The following SORBS2 variants were observed in gnomAD, a reference collection of about 807,000 sequenced individuals.
The protein encoded by SORBS2 is sorbin and SH3 domain-containing protein 2.
SORBS2 carries 46 observed loss-of-function variants against 97.7 expected under a neutral mutation model. That is an observed-to-expected ratio of 0.47 (90% CI 0.37 to 0.60). The LOEUF is 0.60. Ranked by LOEUF, SORBS2 falls within the 20% of genes least tolerant of loss-of-function variation. SORBS2 has a pLI of 0.00. For synonymous variants in SORBS2, 476 were observed against 473.4 expected, an observed-to-expected ratio of 1.01 and a Z score of -0.07; for missense variants, 1,316 against 1,282.3, an observed-to-expected ratio of 1.03 and a Z score of -0.40.
At chr4:185,615,293 A>G in intron 9 of SORBS2, 134 bp from the exon 22 acceptor site, 1 of 636,024 alleles carries the variant, frequency 1.6e-6, no homozygotes, top group Non-Finnish European at 2.8e-6. Context: ...ATTGAGTCCG[A>G]TTAGATAAGA....
intron 2 of SORBS2, among the ~76,000 whole-genome samples, chr4:185,716,389 A>G (rs1304031471): frequency 6.6e-6 from 1 of 152,224 alleles, no homozygotes; most frequent in Non-Finnish European, 1.5e-5. Context: ...TGGCTGAAGG[A>G]CCCAGTGGAT....
intron 4 of SORBS2, among the ~76,000 whole-genome samples, chr4:185,670,573 A>G (rs2097697702): frequency 6.6e-6 from 1 of 151,882 alleles, no homozygotes; most frequent in Non-Finnish European, 1.5e-5. Flanking sequence ...TTCCAATGAT[A>G]GTAATTTACT....
At chr4:185,646,077 G>C (rs1005909176) in intron 4 of SORBS2, 2 of 152,214 alleles carry the variant, frequency 1.3e-5, no homozygotes, top group Non-Finnish European at 2.9e-5. Flanking sequence ...GTAACCTGAG[G>C]AGGGATTTAA....
At chr4:185,613,069 CTT>C (rs2096566841) in intron 11 of SORBS2, among the ~76,000 whole-genome samples, 1 of 152,192 alleles carries the variant, frequency 6.6e-6, no homozygotes, top group Non-Finnish European at 1.5e-5. Context: ...TCAGTTTAAA[CTT>C]TAACTCAAAA....
At chr4:185,601,397 T>G (rs1314439193) in intron 12 of SORBS2, among the ~76,000 whole-genome samples, 1 of 152,126 alleles carries the variant, frequency 6.6e-6, no homozygotes, top group East Asian at 1.9e-4. Context: ...AGGTGTAATC[T>G]CCCATCTTTT....
chr4:185,926,334 G>T (rs1579528719), intron 1 of SORBS2, among the ~76,000 whole-genome samples: 1 of 152,320 alleles, frequency 6.6e-6, no homozygotes, highest in East Asian at 1.9e-4. Context: ...GAAAGTGGAT[G>T]AGTTTAGGCT....
intron 1 of SORBS2, among the ~76,000 whole-genome samples, chr4:185,926,528 G>A (rs2099263784): frequency 6.8e-6 from 1 of 146,492 alleles, no homozygotes; most frequent in South Asian, 2.3e-4. Context: ...TGGACGTGTT[G>A]ATTTGAAATG....
At chr4:185,827,279 T>C (rs1005702209) in intron 1 of SORBS2, among the ~76,000 whole-genome samples, 13 of 56,930 alleles carry the variant, frequency 2.3e-4, no homozygotes, top group South Asian at 4.7e-4. Flanking sequence ...ATCATCACCA[T>C]CATCATCACC....
intron 1 of SORBS2, among the ~76,000 whole-genome samples, chr4:185,938,595 A>T (rs1176982468): frequency 6.6e-6 from 1 of 152,000 alleles, no homozygotes; most frequent in Non-Finnish European, 1.5e-5. Flanking sequence ...CCCAGTGGAA[A>T]GCATCCACTC....
intron 4 of SORBS2, chr4:185,677,380 T>C (rs772183991): frequency 1.3e-6 from 2 of 1,552,366 alleles, no homozygotes; most frequent in East Asian, 4.9e-5. Context: ...GCAGGATCCG[T>C]GCTGGAAGCT....
At chr4:185,853,101 T>G (rs1023539908) in intron 1 of SORBS2, among the ~76,000 whole-genome samples, 16 of 152,140 alleles carry the variant, frequency 1.1e-4, no homozygotes, top group Non-Finnish European at 2.1e-4. Flanking sequence ...CCTGCACATG[T>G]CTAGTGGTGA....
chr4:185,866,820 G>A (rs796356744), intron 1 of SORBS2, among the ~76,000 whole-genome samples: 6 of 152,182 alleles, frequency 3.9e-5, no homozygotes, highest in African/African-American at 1.4e-4. Flanking sequence ...ACCAATAAAT[G>A]TACATTTCTT....
rs574019251 is a variant in SORBS2 at position 185,899,241 on chromosome 4, C to T, written c.-338+56955G>A. On this transcript the variant is annotated intron_variant, in intron 1 of 20. Coordinates refer to the SORBS2 transcript ENST00000284776. ...AGATAACAGCATTTGGGACACACAG[C>T]GGATAATCCAAGCTGGGACAGGCAG... Among the ~76,000 whole-genome samples the T allele has an allele frequency of 6.6e-5, 10 of 152,098 alleles. No homozygotes were observed. In the South Asian group the frequency reaches 1.7e-3, roughly 25 times the overall value.
At chr4:185,795,078 A>G (rs879571988) in intron 1 of SORBS2, among the ~76,000 whole-genome samples, 1 of 152,126 alleles carries the variant, frequency 6.6e-6, no homozygotes, top group Non-Finnish European at 1.5e-5. Flanking sequence ...CAAACTGAGC[A>G]TGTGCACCTG....
chr4:185,886,888 A>G (rs1016294429), intron 1 of SORBS2, among the ~76,000 whole-genome samples: 1 of 152,230 alleles, frequency 6.6e-6, no homozygotes, highest in African/African-American at 2.4e-5. Flanking sequence ...TTTGCCCCAA[A>G]GGGTATAACT....
intron 1 of SORBS2, among the ~76,000 whole-genome samples, chr4:185,846,635 A>G (rs1020640980): frequency 6.6e-6 from 1 of 152,222 alleles, no homozygotes; most frequent in Non-Finnish European, 1.5e-5. Flanking sequence ...TATTGGGAAC[A>G]ATTTCACTGG....
At chr4:185,708,620 A>T (rs1025092468) in intron 2 of SORBS2, among the ~76,000 whole-genome samples, 2 of 152,192 alleles carry the variant, frequency 1.3e-5, no homozygotes, top group Non-Finnish European at 2.9e-5. Context: ...AGCTATTTTT[A>T]GTTTTTCCTG....
At chr4:185,857,213 A>G (rs1161829581) in intron 1 of SORBS2, among the ~76,000 whole-genome samples, 1 of 152,176 alleles carries the variant, frequency 6.6e-6, no homozygotes, top group Admixed American at 6.5e-5. Flanking sequence ...TTTAATGGAC[A>G]TTGTTCCCAA....
intron 1 of SORBS2, among the ~76,000 whole-genome samples, chr4:185,794,337 C>T (rs6848624): frequency 6.0e-4 from 91 of 152,212 alleles, no homozygotes; most frequent in African/African-American, 2.0e-3. Context: ...GAGCCATGGG[C>T]GCTTGGTGCT....
Sources: gnomAD v4.1 joint callset for allele counts (sites outside exome capture counted in the v4.1 genomes callset) on GRCh38, gnomAD v4.1.1 for gene constraint, MANE v1.5 for transcripts, NCBI Gene and HGNC (gene_info 2026-07-23, HGNC 2026-07-21) for gene names.